The following PNPLA7 variants were observed in gnomAD, a reference collection of about 807,000 sequenced individuals.
The protein encoded by PNPLA7 is patatin-like phospholipase domain-containing protein 7.
In PNPLA7, 153 loss-of-function variants were observed where a neutral mutation model predicts 161.7. The observed-to-expected ratio is 0.95, with a 90% CI of 0.83 to 1.08. The LOEUF (loss-of-function observed/expected upper bound fraction) is 1.08. Ranked by LOEUF, PNPLA7 falls within the 50% of genes least tolerant of loss-of-function variation. PNPLA7 has a pLI of 0.00. For missense variants in PNPLA7, 1,739 were observed against 1,856.6 expected, an observed-to-expected ratio of 0.94 and a Z score of 1.16; for synonymous variants, 809 against 782.1, an observed-to-expected ratio of 1.03 and a Z score of -0.57.
chr9:137,502,729 G>GC (rs1157454719), intron 14 of PNPLA7, among the ~76,000 whole-genome samples: 21 of 68,930 alleles, frequency 3.0e-4, no homozygotes, highest in East Asian at 1.6e-3. Context: ...CGCGGGGGAC[G>GC]GGGGGGACGA....
intron 11 of PNPLA7, chr9:137,516,259 T>C: frequency 1.0e-6 from 1 of 954,052 alleles, no homozygotes; most frequent in African/African-American, 1.8e-5. Context: ...GATGTGGCTG[T>C]CTGGGCTCGC....
chr9:137,515,637 G>A (rs533925088), intron 11 of PNPLA7, 118 bp from the exon 12 acceptor site: 6 of 1,285,036 alleles, frequency 4.7e-6, no homozygotes, highest in East Asian at 2.7e-5. Context: ...ACCTGAACGC[G>A]CTCTGGACCA....
chr9:137,502,334 A>G (rs1336298711), intron 14 of PNPLA7, among the ~76,000 whole-genome samples: 1 of 152,110 alleles, frequency 6.6e-6, no homozygotes, highest in Admixed American at 6.5e-5. Flanking sequence ...TGAAATAAAA[A>G]TAAGAAGCCC....
rs1190516361 is a variant in PNPLA7 at position 137,479,159 on chromosome 9, G to A, written c.2660C>T (p.Pro887Leu). 6.4e-7 allele frequency: 1 copy of A among 1,574,370 alleles called. No individual in the cohort carries two copies. Among genetic ancestry groups the A allele is most frequent in the Non-Finnish European group, 8.6e-7 (1 of 1,161,172 alleles). The change falls in exon 24 of 35, where the codon CCA becomes CTA. Residue 887 changes from proline (P) to leucine (L), a missense_variant. Physicochemically the swap from Pro to Leu is moderately conservative, Grantham distance 98. This residue lies in a region of PNPLA7 where 703 missense variants were observed against 694.6 expected (regional missense o/e 1.01). Transcript: ENST00000406427. ...ILLHREEGPA[P>L]ARTVEWLNMR... ...GTTGAGCCACTCCACGGTGCGCGCT[G>A]GCGCCGGGCCCTCCTCCCTGTGCAG...
chr9:137,461,127 G>C (rs1302559763), intron 33 of PNPLA7: 1 of 324,222 alleles, frequency 3.1e-6, no homozygotes, highest in East Asian at 6.5e-5. Context: ...CTGCTGTGAG[G>C]AGGCCACTGG....
intron 8 of PNPLA7, among the ~76,000 whole-genome samples, chr9:137,530,368 C>A (rs1261444734): frequency 1.4e-5 from 2 of 147,246 alleles, no homozygotes; most frequent in Non-Finnish European, 3.0e-5. Context: ...CATCTACTTC[C>A]CTGGCTCTCT....
rs917038884 is a variant in PNPLA7, at chr9:137,478,125, G to C, written c.2791C>G (p.Arg931Gly). 1 of 1,347,032 alleles carries C rather than the reference G, an allele frequency of 7.4e-7. No individual in the cohort carries two copies. The highest frequency in any genetic ancestry group is 1.5e-5 in the African/African-American group (1 of 65,284). 83.4% of individuals were successfully genotyped at this position (1,347,032 alleles called of 1,614,324 possible). The change falls in exon 25 of 35, where the codon CGG becomes GGG. Residue 931 changes from arginine (R) to glycine (G), a missense_variant. Around this residue, in one of 6 missense-constraint regions of PNPLA7, gnomAD observed 703 missense variants for 694.6 expected, o/e 1.01. Coordinates refer to ENST00000406427, the MANE Select transcript of PNPLA7 (RefSeq NM_001098537.3). ...AAGTCTGAGTGTCGGTCCGGGGGCC[G>C]CTGGAAGACATGCTTGTACATCTCC... ...LVEMYKHVFQ[R>G]PPDRHSDFSR... is the part of the protein sequence containing the mutation.
intron 11 of PNPLA7, among the ~76,000 whole-genome samples, chr9:137,517,748 G>GTCAC (rs1834689633): frequency 4.5e-5 from 1 of 22,172 alleles, no homozygotes. Flanking sequence ...TCCATCCCCC[G>GTCAC]TCACTCACTC....
intron 26 of PNPLA7, among the ~76,000 whole-genome samples, chr9:137,466,756 G>A (rs1298516111): frequency 2.1e-5 from 3 of 141,424 alleles, no homozygotes; most frequent in Non-Finnish European, 4.6e-5. Flanking sequence ...ACTCAGACCC[G>A]GGCACGGATC....
chr9:137,480,543 C>T (rs1029442240), intron 22 of PNPLA7, 63 bp from the exon 23 acceptor site: 3 of 1,527,072 alleles, frequency 2.0e-6, no homozygotes, highest in Non-Finnish European at 1.8e-6. Context: ...AGCACATGTC[C>T]CCGGGGCAAA....
In PNPLA7 at chr9:137,463,511, G is replaced by T. The variant is rs181370285; in HGVS notation, c.3247C>A (p.Arg1083Ser). Residue 1083 changes from arginine (R) to serine (S), a missense_variant, in exon 29 of 35, where the codon CGT becomes AGT. Arg to Ser is a moderately radical substitution (Grantham distance 110, BLOSUM62 -1). Coordinates refer to ENST00000406427, the MANE Select transcript of PNPLA7 (RefSeq NM_001098537.3). ...TAACCGGACAGGGACATGCTGGCAC[G>T]CACGTACCACCACAGGGAGCCTGGG... ...HTDGSLWWYV[R>S]ASMSLSGYMP... 9.5e-6 allele frequency: 15 copies of T among 1,584,976 alleles called. No individual in the cohort carries two copies. In the Admixed American group the frequency reaches 2.7e-4, roughly 29 times the overall value.
rs1835186691 is a variant in PNPLA7, at chr9:137,524,254, G to A, written c.748-1397C>T. On this transcript the variant is annotated intron_variant, in intron 8 of 34. Coordinates refer to ENST00000406427, the MANE Select transcript of PNPLA7 (RefSeq NM_001098537.3). The surrounding 1 kb of genome is among the most constrained non-coding windows in gnomAD (Gnocchi z 4.4). ...ACACACTCGAGATTCCCCCACGGTG[G>A]CATGTCTGACAGAGGTCTCTGCCTT... Among the ~76,000 whole-genome samples, 1 of 152,184 alleles carries A rather than the reference G, an allele frequency of 6.6e-6. No individual in the cohort carries two copies. Among genetic ancestry groups the A allele is most frequent in the African/African-American group, 2.4e-5 (1 of 41,436 alleles).
rs377290049 is a variant in PNPLA7 at position 137,461,994 on chromosome 9, G to A, written c.3693C>T (p.Arg1231=). 3.1e-6 allele frequency: 5 copies of A among 1,603,420 alleles called. No individual in the cohort carries two copies. The East Asian group carries it at 1.1e-4, about 36-fold the overall frequency. The change falls in exon 32 of 35, where the codon CGC becomes CGT. Residue 1231 remains arginine (R), a synonymous_variant. Transcript: ENST00000406427. ...GGAGCATCTTCTCCAGCACGCCGCT[G>A]CGGCCCCAGATGTCAAACACCGTGC... ...HGRTVFDIWG[R]SGVLEKMLRD...
chr9:137,523,401 C>T lies in PNPLA7; in HGVS notation c.748-544G>A, dbSNP rs926931965. The stretch of plus-strand genomic sequence containing the variant: ...CAGGTGAGGAGCCACAGTGGCTCAC[C>T]GCGTGGATGTGGCCAGCAGAGCTCC... On this transcript the variant is annotated intron_variant, in intron 8 of 34. Coordinates refer to ENST00000406427, the MANE Select transcript of PNPLA7 (RefSeq NM_001098537.3). This position sits in a 1 kb window ranked among gnomAD's most constrained non-coding sequence, Gnocchi z 4.4. 3.9e-5 allele frequency among the ~76,000 whole-genome samples: 6 copies of T among 152,110 alleles called. No individual in the cohort carries two copies. Among genetic ancestry groups the T allele is most frequent in the East Asian group, 1.9e-4 (1 of 5,166 alleles).
chr9:137,550,349 A>T lies in PNPLA7; in HGVS notation c.-152T>A. 1 of 833,970 alleles carries T rather than the reference A, an allele frequency of 1.2e-6. No individual in the cohort carries two copies. The highest frequency in any genetic ancestry group is 2.0e-6 in the Non-Finnish European group (1 of 503,298). The allele number at this position is 833,970 out of a possible 1,614,324, so 51.7% of individuals were successfully genotyped here. A position where few individuals can be genotyped will look rare whatever the true frequency, so the allele number is the denominator to read the frequency against. ...TTTCACTGAAAGGAAAATCCTGCTG[A>T]AAAAGTCTGTTCTCCAGGAAGAAAA... On this transcript the variant is annotated 5_prime_UTR_variant, in exon 1 of 35. Transcript: ENST00000406427.
In PNPLA7 at chr9:137,543,751, C is replaced by T. The variant is rs1322590623; in HGVS notation, c.338G>A (p.Arg113Lys). ...TALPRQRARK[R>K]TKVLSLAKRI... ...CTTGGCCAAAGACAGCACCTTGGTC[C>T]TCTTCCTGGCCCGCTGCCGGGGCAG... The change falls in exon 5 of 35, where the codon AGG becomes AAG. Residue 113 changes from arginine to lysine, a missense_variant. Arg to Lys is a conservative substitution (Grantham distance 26). Transcript: ENST00000406427. This position sits in a 1 kb window ranked among gnomAD's most constrained non-coding sequence, Gnocchi z 6.9. The T allele has an allele frequency of 5.0e-6, 8 of 1,614,014 alleles. No individual in the cohort carries two copies. In the African/African-American group the frequency reaches 6.7e-5, roughly 13 times the overall value.
rs201358792 is a variant in PNPLA7 at position 137,501,633 on chromosome 9, C to T, written c.1551+17G>A. On this transcript the variant is annotated intron_variant, in intron 15 of 34. Coordinates refer to ENST00000406427, the MANE Select transcript of PNPLA7 (RefSeq NM_001098537.3). ...GCATTGGGTGGTCCCAGTGCCCCCC[C>T]CCAGACCCCCGCTCACCTGGTCTCC... The T allele has an allele frequency of 8.7e-6, 14 of 1,610,340 alleles. No homozygotes were observed. Among genetic ancestry groups the T allele is most frequent in the Admixed American group, 8.4e-5 (5 of 59,716 alleles).
At position 137,463,219 on chromosome 9, in the gene PNPLA7, G is replaced by T. The variant is rs1831302139; in HGVS notation, c.3343+196C>A. On this transcript the variant is annotated intron_variant, in intron 29 of 34. Transcript: ENST00000406427. ...ATATGCTGGAGCACATGCTGCCGGT[G>T]CCTGCGTGTGCATGTACACGCGTGT... is the stretch of plus-strand genomic sequence containing the variant. 4.5e-5 allele frequency: 27 copies of T among 604,696 alleles called. No homozygotes were observed. In the South Asian group the frequency reaches 5.4e-4, roughly 12 times the overall value. 37.5% of individuals were successfully genotyped at this position (604,696 alleles called of 1,614,324 possible).
intron 18 of PNPLA7, among the ~76,000 whole-genome samples, chr9:137,496,143 T>G (rs1438783279): frequency 5.3e-4 from 17 of 32,034 alleles, no homozygotes; most frequent in Admixed American, 4.7e-3. Flanking sequence ...TTTTTTTTGT[T>G]TTTTTTTTTT....
Sources: gnomAD v4.1 joint callset for allele counts (sites outside exome capture counted in the v4.1 genomes callset) on GRCh38, gnomAD v4.1.1 for gene constraint, gnomAD v4.1.1 regional missense constraint, Gnocchi (gnomAD v3.1) non-coding constraint, MANE v1.5 for transcripts, NCBI Gene and HGNC (gene_info 2026-07-23, HGNC 2026-07-21) for gene names.